NEGR1: variants seen among roughly 807,000 people sequenced by gnomAD.
The protein encoded by NEGR1 is IgLON family member 4.
NEGR1 carries 10 observed loss-of-function variants against 40.9 expected under a neutral mutation model. The observed-to-expected ratio is 0.24, with a 90% CI of 0.15 to 0.42. The LOEUF is 0.42. Ranked by LOEUF, NEGR1 falls within the 10% of genes least tolerant of loss-of-function variation. The probability of loss-of-function intolerance (pLI) is 1.00; values close to 1 mark genes in which losing one functional copy is unlikely to be tolerated. For missense variants in NEGR1, 352 were observed against 438.9 expected (o/e 0.80, Z 1.77); for synonymous variants, 185 against 166.8 (o/e 1.11, Z -0.84).
intron 1 of NEGR1, among the ~76,000 whole-genome samples, chr1:72,125,123 A>C (rs1649961503): frequency 6.6e-6 from 1 of 152,110 alleles, no homozygotes. Context: ...AGTTATTAAA[A>C]ATTTTATGAA....
intron 1 of NEGR1, among the ~76,000 whole-genome samples, chr1:72,158,986 T>C (rs1355459079): frequency 6.6e-6 from 1 of 152,170 alleles, no homozygotes; most frequent in African/African-American, 2.4e-5. Context: ...CACAGTTCTT[T>C]GATCCTTGCG....
At chr1:72,272,512 T>C (rs1655877754) in intron 1 of NEGR1, among the ~76,000 whole-genome samples, 1 of 151,996 alleles carries the variant, frequency 6.6e-6, no homozygotes. Context: ...GGATAAATGT[T>C]ATTAGAGAAA....
rs1418065946 is a variant in NEGR1, at chr1:72,227,130, G to A, written c.176+55189C>T. ...GTGCTCTCTTGCATTTAATGTCTTT[G>A]AATCCACAAAAAATGAGTTAATTTT... On this transcript the variant is annotated intron_variant, in intron 1 of 6. Transcript: ENST00000357731. Among the ~76,000 whole-genome samples, 9 of 152,074 alleles carry A rather than the reference G, an allele frequency of 5.9e-5. No homozygotes were observed. The East Asian group carries it at 1.7e-3, about 29-fold the overall frequency.
At chr1:72,204,245 A>C (rs939335433) in intron 1 of NEGR1, among the ~76,000 whole-genome samples, 1 of 152,074 alleles carries the variant, frequency 6.6e-6, no homozygotes, top group African/African-American at 2.4e-5. Context: ...AAGATTATTC[A>C]ATTGGTTCCT....
chr1:71,464,991 G>A (rs1646736278), intron 6 of NEGR1, among the ~76,000 whole-genome samples: 1 of 152,080 alleles, frequency 6.6e-6, no homozygotes, highest in African/African-American at 2.4e-5. Flanking sequence ...AAGATTCCAG[G>A]TAGAGAATAG....
At chr1:71,999,412 G>C (rs1646534793) in intron 1 of NEGR1, among the ~76,000 whole-genome samples, 1 of 150,816 alleles carries the variant, frequency 6.6e-6, no homozygotes, top group Non-Finnish European at 1.5e-5. Flanking sequence ...TTCCTGTCTG[G>C]GAAGATGACA....
At chr1:72,254,415 A>G (rs903655201) in intron 1 of NEGR1, among the ~76,000 whole-genome samples, 1 of 152,080 alleles carries the variant, frequency 6.6e-6, no homozygotes, top group Non-Finnish European at 1.5e-5. Context: ...AAGAAAAAGC[A>G]TATTAGGCCA....
chr1:71,650,296 G>T (rs1442220559), intron 4 of NEGR1, among the ~76,000 whole-genome samples: 1 of 152,098 alleles, frequency 6.6e-6, no homozygotes, highest in African/African-American at 2.4e-5. Context: ...TTTCTGGTTT[G>T]AACTGGAAGT....
At chr1:71,668,057 A>G (rs774744774) in intron 4 of NEGR1, among the ~76,000 whole-genome samples, 7 of 152,020 alleles carry the variant, frequency 4.6e-5, no homozygotes, top group Non-Finnish European at 7.4e-5. Context: ...TCTGTTATCT[A>G]TTTTTTGTCT....
chr1:71,868,436 A>AAGATAGATAGATAGATAGATAGATAGAT, intron 2 of NEGR1, among the ~76,000 whole-genome samples: 1 of 149,924 alleles, frequency 6.7e-6, no homozygotes, highest in East Asian at 2.0e-4. Flanking sequence ...TAGATGATAG[A>AAGATAGATAGATAGATAGATAGATAGAT]AGATAGATAG....
chr1:71,768,493 A>T (rs1417408520), intron 3 of NEGR1, among the ~76,000 whole-genome samples: 2 of 152,142 alleles, frequency 1.3e-5, no homozygotes, highest in African/African-American at 4.8e-5. Context: ...GTATTTACGC[A>T]ATGCCTATAC....
Position 71,675,126 on chromosome 1 carries a change from T to TATATATATATATATATATATATACACAC in NEGR1, c.667+22881_667+22882insGTGTGTATATATATATATATATATATAT, listed in dbSNP as rs145354058. Among the ~76,000 whole-genome samples, 322 of 77,766 alleles carry TATATATATATATATATATATATACACAC rather than the reference T, an allele frequency of 4.1e-3. 6 individuals carry two copies. Among genetic ancestry groups the TATATATATATATATATATATATACACAC allele is most frequent in the East Asian group, 0.034 (83 of 2,428 alleles). The allele number at this position is 77,766 out of a possible 152,430, so 51.0% of individuals were successfully genotyped here. On this transcript the variant is annotated intron_variant, in intron 4 of 6. Transcript: ENST00000357731. ...GCATGTTTATTCATATATATATATA[T>TATATATATATATATATATATATACACAC]ACACACACACATATGAATTCTTAGA... is the stretch of plus-strand genomic sequence containing the variant.
chr1:72,135,300 C>T (rs1371933746), intron 1 of NEGR1, among the ~76,000 whole-genome samples: 13 of 146,818 alleles, frequency 8.9e-5, no homozygotes, highest in South Asian at 2.2e-4. Flanking sequence ...GGTGTGAACC[C>T]GGGAGGCGGA....
intron 1 of NEGR1, among the ~76,000 whole-genome samples, chr1:72,047,622 T>G (rs932163807): frequency 6.6e-6 from 1 of 151,480 alleles, no homozygotes; most frequent in Non-Finnish European, 1.5e-5. Flanking sequence ...GAGTTTTTTT[T>G]GAAAGGTTGA....
chr1:72,246,690 T>A (rs1427517100), intron 1 of NEGR1, among the ~76,000 whole-genome samples: 1 of 152,210 alleles, frequency 6.6e-6, no homozygotes, highest in Non-Finnish European at 1.5e-5. Flanking sequence ...AATTCTGCAA[T>A]TGGGAGGGCA....
At chr1:71,678,621 G>A (rs1002766381) in intron 4 of NEGR1, among the ~76,000 whole-genome samples, 7 of 152,002 alleles carry the variant, frequency 4.6e-5, no homozygotes, top group African/African-American at 1.7e-4. Context: ...CCTATGAGTG[G>A]ACATTTCCTT....
intron 2 of NEGR1, among the ~76,000 whole-genome samples, chr1:71,779,043 T>C (rs1656610144): frequency 6.6e-6 from 1 of 152,086 alleles, no homozygotes; most frequent in Non-Finnish European, 1.5e-5. Context: ...ATTCAGGACA[T>C]GCTACAGGGA....
At chr1:71,627,616 A>G (rs976675746) in intron 4 of NEGR1, among the ~76,000 whole-genome samples, 1 of 152,022 alleles carries the variant, frequency 6.6e-6, no homozygotes, top group African/African-American at 2.4e-5. Flanking sequence ...CCATTAGTCA[A>G]AGCAGCCACA....
At chr1:72,131,757 T>C (rs56270690) in intron 1 of NEGR1, among the ~76,000 whole-genome samples, 2 of 152,202 alleles carry the variant, frequency 1.3e-5, no homozygotes, top group Non-Finnish European at 2.9e-5. Flanking sequence ...TATGTCTACA[T>C]TAGTGAACCA....
Sources: gnomAD v4.1 joint callset for allele counts (sites outside exome capture counted in the v4.1 genomes callset) on GRCh38, gnomAD v4.1.1 for gene constraint, MANE v1.5 for transcripts, NCBI Gene and HGNC (gene_info 2026-07-23, HGNC 2026-07-21) for gene names.